The following SGCZ variants were observed in gnomAD, a reference collection of about 807,000 sequenced individuals.
The protein encoded by SGCZ is zeta-sarcoglycan.
In SGCZ, 40 loss-of-function variants were observed where a neutral mutation model predicts 41.3. That is an observed-to-expected ratio of 0.97 (90% CI 0.75 to 1.26). The LOEUF is 1.26. Among genes scored for constraint, SGCZ ranks in the 50% most tolerant of loss-of-function variants. The probability of loss-of-function intolerance (pLI) is 0.00; values close to 1 mark genes in which losing one functional copy is unlikely to be tolerated. For missense variants in SGCZ, 552 were observed against 369.8 expected (o/e 1.49, Z -4.04); for synonymous variants, 206 against 137.5 (o/e 1.50, Z -3.49).
chr8:14,676,849 C>T (rs1563196609), intron 1 of SGCZ, among the ~76,000 whole-genome samples: 1 of 152,040 alleles, frequency 6.6e-6, no homozygotes, highest in African/African-American at 2.4e-5. Flanking sequence ...AAACGTACAG[C>T]TAACACCATA....
chr8:14,620,513 T>C (rs1257265931), intron 1 of SGCZ, among the ~76,000 whole-genome samples: 3 of 151,926 alleles, frequency 2.0e-5, no homozygotes, highest in Non-Finnish European at 2.9e-5. Flanking sequence ...ACCTACAGAA[T>C]GGGAGAAAAT....
chr8:14,778,692 G>C (rs890236270), intron 1 of SGCZ, among the ~76,000 whole-genome samples: 1 of 152,142 alleles, frequency 6.6e-6, no homozygotes, highest in Non-Finnish European at 1.5e-5. Context: ...CAATGACGAG[G>C]AAACCCATAT....
intron 2 of SGCZ, among the ~76,000 whole-genome samples, chr8:14,522,971 T>C (rs34339748): frequency 0.18 from 27,983 of 151,838 alleles, 3,146 homozygotes; most frequent in Non-Finnish European, 0.25. Flanking sequence ...AGTGCATCTC[T>C]TTGTATAATA....
At chr8:14,663,145 C>A (rs1336121597) in intron 1 of SGCZ, among the ~76,000 whole-genome samples, 2 of 152,058 alleles carry the variant, frequency 1.3e-5, no homozygotes, top group East Asian at 1.9e-4. Flanking sequence ...AAAACAAATT[C>A]TTGAAGGAAC....
intron 1 of SGCZ, among the ~76,000 whole-genome samples, chr8:14,940,633 T>A (rs1403630523): frequency 1.3e-5 from 2 of 152,106 alleles, no homozygotes; most frequent in African/African-American, 2.4e-5. Context: ...AAATATTCTG[T>A]TAAGCACTGG....
chr8:14,354,989 A>G (rs1388165659), intron 2 of SGCZ, among the ~76,000 whole-genome samples: 1 of 152,030 alleles, frequency 6.6e-6, no homozygotes, highest in Non-Finnish European at 1.5e-5. Context: ...TATTTGCTGA[A>G]TATTTTCAAA....
At chr8:14,913,193 G>C (rs1306148932) in intron 1 of SGCZ, among the ~76,000 whole-genome samples, 1 of 151,966 alleles carries the variant, frequency 6.6e-6, no homozygotes, top group African/African-American at 2.4e-5. Flanking sequence ...CATATCCTTA[G>C]AATTTTGATA....
intron 2 of SGCZ, among the ~76,000 whole-genome samples, chr8:14,448,530 G>C (rs928575941): frequency 1.3e-5 from 2 of 152,134 alleles, no homozygotes; most frequent in African/African-American, 4.8e-5. Flanking sequence ...GAATTGCTGA[G>C]TCAAATAACA....
chr8:15,092,116 G>A (rs944078406), intron 1 of SGCZ, among the ~76,000 whole-genome samples: 2 of 152,162 alleles, frequency 1.3e-5, no homozygotes, highest in Admixed American at 6.5e-5. Context: ...TAAAAAAACA[G>A]CATAATACGG....
chr8:14,228,139 C>A (rs1433109944), intron 4 of SGCZ, among the ~76,000 whole-genome samples: 1 of 151,960 alleles, frequency 6.6e-6, no homozygotes, highest in Non-Finnish European at 1.5e-5. Context: ...AACATTATGC[C>A]CCATTAACCA....
At chr8:14,133,452 T>G (rs1803101749) in intron 5 of SGCZ, among the ~76,000 whole-genome samples, 1 of 152,146 alleles carries the variant, frequency 6.6e-6, no homozygotes, top group African/African-American at 2.4e-5. Context: ...CATCTTTTCT[T>G]TCACGTAGTC....
chr8:15,077,889 C>T (rs566735195), intron 1 of SGCZ, among the ~76,000 whole-genome samples: 1 of 152,250 alleles, frequency 6.6e-6, no homozygotes, highest in African/African-American at 2.4e-5. Context: ...AATGCCTAGG[C>T]AGATAAGGAA....
chr8:14,975,896 A>G (rs1445352334), intron 1 of SGCZ, among the ~76,000 whole-genome samples: 1 of 146,712 alleles, frequency 6.8e-6, no homozygotes, highest in Non-Finnish European at 1.5e-5. Context: ...ACACACACAC[A>G]TATATATACA....
intron 2 of SGCZ, among the ~76,000 whole-genome samples, chr8:14,536,315 A>G (rs147524286): frequency 1.4e-3 from 217 of 152,000 alleles, no homozygotes; most frequent in African/African-American, 5.0e-3. Context: ...AATTACGCTC[A>G]AAATTGCTAC....
rs916934696 is a variant in SGCZ at position 14,108,335 on chromosome 8, C to T, written c.548-100G>A. 5 of 1,028,944 alleles carry T rather than the reference C, an allele frequency of 4.9e-6. No individual in the cohort carries two copies. In the Admixed American group the frequency reaches 1.0e-4, roughly 21 times the overall value. The allele number at this position is 1,028,944 out of a possible 1,614,324, so 63.7% of individuals were successfully genotyped here. ...AAATATTCTTCCAAAACAGAGAAAACTTAAAACAGGTACATATGATGTATT... is the reference window on the plus strand; with the variant it reads ...AAATATTCTTCCAAAACAGAGAAAATTTAAAACAGGTACATATGATGTATT... On this transcript the variant is annotated intron_variant, in intron 5 of 7. Coordinates refer to ENST00000382080, the MANE Select transcript of SGCZ (RefSeq NM_139167.4).
At chr8:14,611,378 A>G (rs1397029701) in intron 1 of SGCZ, among the ~76,000 whole-genome samples, 2 of 152,096 alleles carry the variant, frequency 1.3e-5, no homozygotes, top group African/African-American at 4.8e-5. Context: ...AATTGTTTCT[A>G]GGGGAAAATG....
At chr8:14,443,747 A>G (rs1402909914) in intron 2 of SGCZ, among the ~76,000 whole-genome samples, 2 of 152,152 alleles carry the variant, frequency 1.3e-5, no homozygotes, top group East Asian at 3.8e-4. Flanking sequence ...GGACATAGGC[A>G]TAGGCAAGGA....
chr8:15,058,691 A>C lies in SGCZ; in HGVS notation c.39+178894T>G, dbSNP rs1585520538. Among the ~76,000 whole-genome samples the C allele has an allele frequency of 2.0e-5, 3 of 152,194 alleles. No individual in the cohort carries two copies. In the South Asian group the frequency reaches 6.2e-4, roughly 31 times the overall value. On this transcript the variant is annotated intron_variant, in intron 1 of 7. Transcript: ENST00000382080. ...ATGTCAACCCAAATAGTTGTTGACA[A>C]CTAGGATATCCTGTCAACACTTTTT...
chr8:14,926,886 G>C (rs1427172825), intron 1 of SGCZ, among the ~76,000 whole-genome samples: 1 of 151,990 alleles, frequency 6.6e-6, no homozygotes, highest in Non-Finnish European at 1.5e-5. Flanking sequence ...TGATCCACCA[G>C]CCTTAGCCTC....
Sources: allele counts gnomAD v4.1 joint callset (sites outside exome capture counted in the v4.1 genomes callset), GRCh38; gene constraint gnomAD v4.1.1; transcripts MANE v1.5; gene names NCBI Gene and HGNC (gene_info 2026-07-23, HGNC 2026-07-21).